Variants in FSIP1 observed in about 807,000 individuals in gnomAD.
The protein encoded by FSIP1 is fibrous sheath interacting protein 1, also known as fibrous sheath-interacting protein 1.
FSIP1 carries 65 observed loss-of-function variants against 60.9 expected under a neutral mutation model. The ratio of observed to expected loss-of-function variants is 1.07; its 90% CI spans 0.87 to 1.31. The LOEUF (loss-of-function observed/expected upper bound fraction) is 1.31. Among genes scored for constraint, FSIP1 ranks in the 40% most tolerant of loss-of-function variants. FSIP1 has a pLI of 0.00. For synonymous variants in FSIP1, 209 were observed against 221.2 expected, an observed-to-expected ratio of 0.94 and a Z score of 0.49; for missense variants, 675 against 665.5, an observed-to-expected ratio of 1.01 and a Z score of -0.16.
intron 1 of FSIP1, among the ~76,000 whole-genome samples, chr15:39,779,662 C>G (rs1455423785): frequency 6.6e-6 from 1 of 152,176 alleles, no homozygotes; most frequent in African/African-American, 2.4e-5. Context: ...ATATTTACTT[C>G]ATGATACTTG....
intron 5 of FSIP1, among the ~76,000 whole-genome samples, chr15:39,744,777 TCACACACACA>T (rs55691651): frequency 6.5e-5 from 9 of 137,964 alleles, no homozygotes; most frequent in African/African-American, 1.9e-4. Context: ...TCCCCCTCAG[TCACACACACA>T]CACACACACA....
intron 1 of FSIP1, among the ~76,000 whole-genome samples, chr15:39,779,519 C>T (rs1417172743): frequency 2.0e-5 from 3 of 152,312 alleles, no homozygotes; most frequent in African/African-American, 7.2e-5. Context: ...CATCCCACCA[C>T]CCTGAGCTAT....
At chr15:39,712,462 T>C (rs1895559395) in intron 10 of FSIP1, among the ~76,000 whole-genome samples, 1 of 151,778 alleles carries the variant, frequency 6.6e-6, no homozygotes, top group Non-Finnish European at 1.5e-5. Context: ...GTGATAAAAG[T>C]AGGGACCAAA....
chr15:39,741,955 T>C (rs1429049497), intron 5 of FSIP1, 55 bp from the exon 6 acceptor site: 1 of 937,418 alleles, frequency 1.1e-6, no homozygotes, highest in Non-Finnish European at 1.7e-6. Flanking sequence ...TAAGTAGTTG[T>C]CTACAAAATT....
At chr15:39,760,622 G>GTCAA (rs1263918014) in intron 5 of FSIP1, among the ~76,000 whole-genome samples, 6 of 152,092 alleles carry the variant, frequency 3.9e-5, no homozygotes, top group African/African-American at 1.4e-4. Context: ...CTCCCAAAGG[G>GTCAA]TCAACATCAC....
At chr15:39,598,765 A>G (rs950091001), downstream of FSIP1, 1 of 152,132 alleles carries the variant, frequency 6.6e-6, no homozygotes, top group African/African-American at 2.4e-5. Flanking sequence ...GCTCGAGTGA[A>G]GAGCAATAAA....
At chr15:39,716,955 C>G (rs1433950922) in intron 9 of FSIP1, among the ~76,000 whole-genome samples, 1 of 151,318 alleles carries the variant, frequency 6.6e-6, no homozygotes, top group Non-Finnish European at 1.5e-5. Context: ...GCTGAGATTA[C>G]AGGCATGCAC....
chr15:39,685,641 T>C (rs961519150), intron 10 of FSIP1, among the ~76,000 whole-genome samples: 6 of 152,208 alleles, frequency 3.9e-5, no homozygotes. Flanking sequence ...GAAATGACTG[T>C]AGTCAGCCAT....
At chr15:39,662,738 T>A (rs2411308) in intron 10 of FSIP1, among the ~76,000 whole-genome samples, 3 of 150,934 alleles carry the variant, frequency 2.0e-5, no homozygotes, top group African/African-American at 2.4e-5. Context: ...AAAAAGACTA[T>A]AATTAATGCT....
At chr15:39,668,211 A>G (rs1358970331) in intron 10 of FSIP1, among the ~76,000 whole-genome samples, 1 of 152,074 alleles carries the variant, frequency 6.6e-6, no homozygotes, top group African/African-American at 2.4e-5. Flanking sequence ...TCCAAAAAAA[A>G]AAAAAAAACC....
chr15:39,734,025 G>A (rs1896517435), intron 8 of FSIP1, among the ~76,000 whole-genome samples: 1 of 152,098 alleles, frequency 6.6e-6, no homozygotes, highest in South Asian at 2.1e-4. Flanking sequence ...CTGAGCTGAA[G>A]GAAGATTTGA....
At chr15:39,763,605 T>A (rs911426610) in intron 5 of FSIP1, among the ~76,000 whole-genome samples, 1 of 152,158 alleles carries the variant, frequency 6.6e-6, no homozygotes, top group African/African-American at 2.4e-5. Context: ...CTGTCCCCCT[T>A]ACCATCAAGC....
intron 10 of FSIP1, among the ~76,000 whole-genome samples, chr15:39,650,821 G>C (rs1432835471): frequency 1.3e-5 from 2 of 152,190 alleles, no homozygotes; most frequent in Middle Eastern, 3.2e-3. Context: ...AAGTCTCTGT[G>C]CTCTGCTTTC....
At chr15:39,688,504 T>C (rs1372321141) in intron 10 of FSIP1, among the ~76,000 whole-genome samples, 1 of 152,180 alleles carries the variant, frequency 6.6e-6, no homozygotes, top group East Asian at 1.9e-4. Context: ...CGAGTTAAGG[T>C]TTCTGCTGAA....
At chr15:39,753,494 C>A (rs1288386691) in intron 5 of FSIP1, among the ~76,000 whole-genome samples, 1 of 152,092 alleles carries the variant, frequency 6.6e-6, no homozygotes, top group Non-Finnish European at 1.5e-5. Flanking sequence ...TAAATTCATT[C>A]ATTTAAATCT....
intron 10 of FSIP1, among the ~76,000 whole-genome samples, chr15:39,654,521 T>G (rs945956346): frequency 3.3e-5 from 5 of 152,234 alleles, no homozygotes; most frequent in Admixed American, 6.5e-5. Context: ...CAGCAGAAAT[T>G]TTAAATGGAT....
At chr15:39,774,247 C>T (rs923278648) in intron 2 of FSIP1, among the ~76,000 whole-genome samples, 3 of 152,166 alleles carry the variant, frequency 2.0e-5, no homozygotes, top group African/African-American at 4.8e-5. Flanking sequence ...CTTTGGGAGG[C>T]CAAGGCATGT....
chr15:39,726,952 G>C (rs1896224132), intron 8 of FSIP1, among the ~76,000 whole-genome samples: 1 of 152,188 alleles, frequency 6.6e-6, no homozygotes, highest in South Asian at 2.1e-4. Flanking sequence ...CTGCCAGCCT[G>C]TATAAAGTAT....
intron 10 of FSIP1, among the ~76,000 whole-genome samples, chr15:39,705,046 G>C (rs1230860138): frequency 6.6e-6 from 1 of 152,084 alleles, no homozygotes. Context: ...TTCAAACTGA[G>C]AATCAAAAAG....
Sources: gnomAD v4.1 joint callset for allele counts (sites outside exome capture counted in the v4.1 genomes callset) on GRCh38, gnomAD v4.1.1 for gene constraint, MANE v1.5 for transcripts, NCBI Gene and HGNC (gene_info 2026-07-23, HGNC 2026-07-21) for gene names.